Variants in RCBTB1 observed in about 807,000 individuals in gnomAD.
RCBTB1 encodes RCC1 and BTB domain containing protein 1.
A neutral mutation model predicts 62.4 loss-of-function variants in RCBTB1; 46 were observed. The ratio of observed to expected loss-of-function variants is 0.74; its 90% confidence interval spans 0.58 to 0.94. The LOEUF is 0.94. Ranked by LOEUF, RCBTB1 falls within the 40% of genes least tolerant of loss-of-function variation. The pLI is 0.00. For missense variants in RCBTB1, 565 were observed against 654.9 expected, an observed-to-expected ratio of 0.86 and a Z score of 1.50; for synonymous variants, 222 against 245.8, an observed-to-expected ratio of 0.90 and a Z score of 0.91.
chr13:49,571,206 C>T (rs1279881030), intron 2 of RCBTB1, among the ~76,000 whole-genome samples: 1 of 152,038 alleles, frequency 6.6e-6, no homozygotes, highest in East Asian at 1.9e-4. Flanking sequence ...ATTAACCAAG[C>T]ATGGTGGCAC....
chr13:49,579,624 GAA>G (rs66531473), intron 2 of RCBTB1, among the ~76,000 whole-genome samples: 536 of 138,938 alleles, frequency 3.9e-3, no homozygotes, highest in Non-Finnish European at 5.2e-3. Context: ...ACTTGTCTCA[GAA>G]AAAAAAAAAA....
intron 1 of RCBTB1, among the ~76,000 whole-genome samples, chr13:49,585,017 C>T (rs1398821321): frequency 1.3e-5 from 2 of 152,146 alleles, no homozygotes; most frequent in South Asian, 4.1e-4. Context: ...TGTGACAGCA[C>T]TACTCTCAGG....
chr13:49,541,988 G>C (rs1960402144), intron 10 of RCBTB1, among the ~76,000 whole-genome samples, 161 bp from the exon 11 acceptor site: 1 of 152,194 alleles, frequency 6.6e-6, no homozygotes, highest in Non-Finnish European at 1.5e-5. Context: ...GGCCAAGCGG[G>C]TAGATCACCT....
At chr13:49,554,617 C>T (rs923552813) in intron 6 of RCBTB1, among the ~76,000 whole-genome samples, 8 of 152,152 alleles carry the variant, frequency 5.3e-5, no homozygotes, top group South Asian at 2.1e-4. Context: ...ACTGCCTGAG[C>T]GCCACCTCCT....
chr13:49,554,638 T>C (rs1007117494), intron 6 of RCBTB1, among the ~76,000 whole-genome samples: 1 of 152,088 alleles, frequency 6.6e-6, no homozygotes, highest in African/African-American at 2.4e-5. Context: ...GTCAGATCAA[T>C]GGCAGCATAA....
intron 2 of RCBTB1, among the ~76,000 whole-genome samples, chr13:49,569,250 T>C (rs1251511356): frequency 2.0e-5 from 3 of 152,300 alleles, no homozygotes; most frequent in East Asian, 3.9e-4. Context: ...ATTCTTTGTA[T>C]GGTAAGATGA....
chr13:49,583,158 T>C (rs371629396), intron 1 of RCBTB1, among the ~76,000 whole-genome samples: 91 of 152,066 alleles, frequency 6.0e-4, no homozygotes, highest in African/African-American at 2.1e-3. Flanking sequence ...CTGGGCGACA[T>C]AGTGAGACCC....
chr13:49,580,209 T>TG (rs1228997309), intron 2 of RCBTB1, among the ~76,000 whole-genome samples: 1 of 152,226 alleles, frequency 6.6e-6, no homozygotes, highest in African/African-American at 2.4e-5. Flanking sequence ...ATGTTTTTTC[T>TG]GTAAGTTTGT....
At chr13:49,562,514 CAAAAA>C (rs55875979) in intron 4 of RCBTB1, among the ~76,000 whole-genome samples, 2 of 115,308 alleles carry the variant, frequency 1.7e-5, no homozygotes, top group Admixed American at 9.6e-5. Flanking sequence ...GACCCTGTCT[CAAAAA>C]AAAAAAAAAA....
chr13:49,539,463 A>G (rs1252069300), intron 12 of RCBTB1: 1 of 152,188 alleles, frequency 6.6e-6, no homozygotes, highest in Admixed American at 6.5e-5. Context: ...GTTTCCAGCA[A>G]CTTGAGCCGA....
intron 6 of RCBTB1, among the ~76,000 whole-genome samples, chr13:49,552,722 A>G (rs983552509): frequency 6.6e-6 from 1 of 152,132 alleles, no homozygotes; most frequent in African/African-American, 2.4e-5. Flanking sequence ...CTTTAGCTCT[A>G]GGAAGAAAGA....
chr13:49,533,775 A>G lies in RCBTB1; in HGVS notation c.*347T>C, dbSNP rs41284790. ...TCAGAAGATTGTTGATACGTGGCCC[A>G]GGAGAGTTGCTGCCAACTTCCCCTT... On this transcript the variant is annotated 3_prime_UTR_variant, in exon 13 of 13. Coordinates refer to ENST00000378302, the MANE Select transcript of RCBTB1 (RefSeq NM_018191.4). The G allele has an allele frequency of 4.1e-3, 692 of 168,142 alleles. 7 individuals are homozygous for G. Among genetic ancestry groups the G allele is most frequent in the Non-Finnish European group, 7.3e-3 (570 of 78,194 alleles). The allele number at this position is 168,142 out of a possible 1,614,324, so 10.4% of individuals were successfully genotyped here.
At chr13:49,557,699 C>T (rs1005933646) in intron 5 of RCBTB1, among the ~76,000 whole-genome samples, 2 of 152,028 alleles carry the variant, frequency 1.3e-5, no homozygotes, top group African/African-American at 4.8e-5. Context: ...ACAGGAGGAT[C>T]GCTTGAGCCC....
At chr13:49,568,652 GGA>G (rs1473968140) in intron 2 of RCBTB1, among the ~76,000 whole-genome samples, 128 of 10,386 alleles carry the variant, frequency 0.012, 3 homozygotes, top group African/African-American at 0.011. Flanking sequence ...TCAGGCCGGG[GGA>G]GGGGGGTGGC....
At chr13:49,552,017 TC>T (rs1961403108) in intron 7 of RCBTB1, among the ~76,000 whole-genome samples, 160 bp downstream of exon 7, 3 of 150,850 alleles carry the variant, frequency 2.0e-5, no homozygotes, top group African/African-American at 7.3e-5. Context: ...GTCTTGCTTC[TC>T]CTCGTGGGAA....
At chr13:49,583,549 T>C (rs59194434) in intron 1 of RCBTB1, among the ~76,000 whole-genome samples, 1 of 152,032 alleles carries the variant, frequency 6.6e-6, no homozygotes, top group Non-Finnish European at 1.5e-5. Context: ...GTACACAACA[T>C]GTACTTTTTT....
At chr13:49,563,453 G>A (rs1484586791) in intron 4 of RCBTB1, among the ~76,000 whole-genome samples, 4 of 151,400 alleles carry the variant, frequency 2.6e-5, no homozygotes, top group East Asian at 1.9e-4. Flanking sequence ...ACCTGAGGTC[G>A]GGAGTTCAAG....
chr13:49,571,691 C>T (rs1469957107), intron 2 of RCBTB1, among the ~76,000 whole-genome samples: 2 of 152,170 alleles, frequency 1.3e-5, no homozygotes, highest in African/African-American at 2.4e-5. Flanking sequence ...GAACAGGGTC[C>T]TTAACTTGGG....
chr13:49,557,151 T>C lies in RCBTB1; in HGVS notation c.445-1478A>G, dbSNP rs549066908. Among the ~76,000 whole-genome samples, 180 of 152,282 alleles carry C rather than the reference T, an allele frequency of 1.2e-3. 1 individual carries two copies. Among genetic ancestry groups the C allele is most frequent in the Non-Finnish European group, 2.0e-3 (139 of 68,028 alleles). On this transcript the variant is annotated intron_variant, in intron 5 of 12. Coordinates refer to ENST00000378302, the MANE Select transcript of RCBTB1 (RefSeq NM_018191.4). ...CCTACTTAATAAAATCTCTGTAACA[T>C]CACTGAGGGACTTCAAAGAGAGGAA...
Sources: gnomAD v4.1 joint callset for allele counts (sites outside exome capture counted in the v4.1 genomes callset) on GRCh38, gnomAD v4.1.1 for gene constraint, MANE v1.5 for transcripts, NCBI Gene and HGNC (gene_info 2026-07-23, HGNC 2026-07-21) for gene names.